WIF1: variants seen among roughly 807,000 people sequenced by gnomAD.
The protein encoded by WIF1 is Wnt inhibitory factor 1.
Under a neutral mutation model 53.5 loss-of-function variants are expected in WIF1, and 35 were observed. The observed-to-expected ratio is 0.65, with a 90% confidence interval of 0.50 to 0.87. The LOEUF (loss-of-function observed/expected upper bound fraction) is 0.87, where lower values mean the gene tolerates loss of function less well. WIF1 is among the 40% of genes least tolerant of loss of function. The pLI is 0.00. For synonymous variants in WIF1, 171 were observed against 170.4 expected (o/e 1.00, Z -0.03); for missense variants, 467 against 476.8 (o/e 0.98, Z 0.19).
At chr12:65,112,445 C>CACACACACAA (rs1225310685) in intron 2 of WIF1, among the ~76,000 whole-genome samples, 4 of 149,584 alleles carry the variant, frequency 2.7e-5, no homozygotes, top group Non-Finnish European at 5.9e-5. Flanking sequence ...CACACACACA[C>CACACACACAA]ACACACCATC....
intron 7 of WIF1, among the ~76,000 whole-genome samples, chr12:65,057,645 C>T (rs1882549882): frequency 6.6e-6 from 1 of 152,022 alleles, no homozygotes; most frequent in African/African-American, 2.4e-5. Context: ...TCTTTTTATT[C>T]ACTTTAGCAG....
chr12:65,103,055 G>C (rs2136291247), intron 2 of WIF1, among the ~76,000 whole-genome samples: 1 of 152,176 alleles, frequency 6.6e-6, no homozygotes, highest in South Asian at 2.1e-4. Flanking sequence ...AATTCAAATA[G>C]CATTTATCGA....
chr12:65,063,907 A>G (rs1882650809), intron 6 of WIF1, among the ~76,000 whole-genome samples: 1 of 152,064 alleles, frequency 6.6e-6, no homozygotes, highest in African/African-American at 2.4e-5. Flanking sequence ...GTATAGATGG[A>G]GTCTTGCTAC....
chr12:65,082,602 T>G lies in WIF1; in HGVS notation c.289-4748A>C, dbSNP rs902843578. 2.6e-5 allele frequency among the ~76,000 whole-genome samples: 4 copies of G among 152,280 alleles called. No homozygotes were observed. The East Asian group carries it at 5.8e-4, about 22-fold the overall frequency. On this transcript the variant is annotated intron_variant, in intron 2 of 9. Transcript: ENST00000286574. ...TCAAGAGAGGAGTGCTGGAGGTCATTTAACTTGCTTCCAATGGACTTGGCT... is the reference window on the plus strand; with the variant it reads ...TCAAGAGAGGAGTGCTGGAGGTCATGTAACTTGCTTCCAATGGACTTGGCT...
intron 2 of WIF1, among the ~76,000 whole-genome samples, chr12:65,080,672 T>A (rs1403671430): frequency 6.6e-6 from 1 of 152,232 alleles, no homozygotes; most frequent in Non-Finnish European, 1.5e-5. Flanking sequence ...ATTTGAATTA[T>A]TTCTATTACT....
intron 2 of WIF1, among the ~76,000 whole-genome samples, chr12:65,115,406 G>A (rs73312861): frequency 0.16 from 24,415 of 152,116 alleles, 2,670 homozygotes; most frequent in African/African-American, 0.3. Context: ...GTATCCTAAT[G>A]TTCGATTCTG....
chr12:65,115,820 A>G (rs28686934), intron 2 of WIF1, among the ~76,000 whole-genome samples: 24,372 of 152,114 alleles, frequency 0.16, 2,658 homozygotes, highest in African/African-American at 0.3. Flanking sequence ...TTCAGGCAAG[A>G]AAGATTTGGG....
At chr12:65,089,420 C>T (rs868220252) in intron 2 of WIF1, among the ~76,000 whole-genome samples, 2 of 152,070 alleles carry the variant, frequency 1.3e-5, no homozygotes, top group African/African-American at 2.4e-5. Context: ...GTAACTCATG[C>T]GCTCCAGATT....
chr12:65,067,618 C>T, intron 5 of WIF1, 77 bp downstream of exon 5: 1 of 1,419,056 alleles, frequency 7.0e-7, no homozygotes, highest in Admixed American at 1.8e-5. Context: ...GTTAAAAATA[C>T]ACAATACACA....
intron 2 of WIF1, among the ~76,000 whole-genome samples, chr12:65,085,220 C>G (rs768452834): frequency 2.0e-5 from 3 of 152,082 alleles, no homozygotes; most frequent in Admixed American, 6.6e-5. Flanking sequence ...TGCTTGGGAC[C>G]AGAAGTGTTT....
chr12:65,056,225 G>T, intron 7 of WIF1, 99 bp from the exon 8 acceptor site: 3 of 1,073,484 alleles, frequency 2.8e-6, no homozygotes, highest in South Asian at 3.3e-5. Flanking sequence ...GAGGATAAGT[G>T]CTTTTAAATG....
At chr12:65,111,947 A>G (rs1348708773) in intron 2 of WIF1, among the ~76,000 whole-genome samples, 2 of 152,218 alleles carry the variant, frequency 1.3e-5, no homozygotes, top group African/African-American at 4.8e-5. Flanking sequence ...AGATTCTTTC[A>G]TCACATTCAT....
At chr12:65,062,387 C>T (rs1882626165) in intron 7 of WIF1, 94 bp downstream of exon 7, 1 of 1,070,040 alleles carries the variant, frequency 9.3e-7, no homozygotes, top group Admixed American at 2.5e-5. Context: ...TTCATTCTCT[C>T]TGGGCTTCCG....
chr12:65,056,870 G>A (rs1013193492), intron 7 of WIF1, among the ~76,000 whole-genome samples: 5 of 151,980 alleles, frequency 3.3e-5, no homozygotes, highest in African/African-American at 7.3e-5. Context: ...AGCTGGTCTC[G>A]AACTCCTGAC....
intron 3 of WIF1, 44 bp from the exon 4 acceptor site, chr12:65,068,948 T>C: frequency 6.3e-7 from 1 of 1,587,774 alleles, no homozygotes. Flanking sequence ...GTTAATCTAG[T>C]TGATTCTAGT....
At chr12:65,106,373 A>T (rs2030122) in intron 2 of WIF1, among the ~76,000 whole-genome samples, 59,143 of 142,272 alleles carry the variant, frequency 0.42, 14,173 homozygotes, top group East Asian at 0.57. Context: ...ATATATATAT[A>T]TTTTTTTTTA....
At chr12:65,090,563 G>T (rs1219084959) in intron 2 of WIF1, among the ~76,000 whole-genome samples, 1 of 152,084 alleles carries the variant, frequency 6.6e-6, no homozygotes, top group East Asian at 1.9e-4. Flanking sequence ...GCTTAACTTG[G>T]GGGTCAGGAA....
At chr12:65,064,243 G>T (rs1403650609) in intron 6 of WIF1, among the ~76,000 whole-genome samples, 1 of 152,172 alleles carries the variant, frequency 6.6e-6, no homozygotes, top group African/African-American at 2.4e-5. Context: ...TGTAGAATTC[G>T]GCAAGGTTGG....
At chr12:65,055,690 G>A (rs994311032) in intron 8 of WIF1, among the ~76,000 whole-genome samples, 14 of 152,194 alleles carry the variant, frequency 9.2e-5, no homozygotes, top group African/African-American at 2.2e-4. Flanking sequence ...CAGGGGAATC[G>A]CTTACACCTG....
Sources: allele counts gnomAD v4.1 joint callset (sites outside exome capture counted in the v4.1 genomes callset), GRCh38; gene constraint gnomAD v4.1.1; transcripts MANE v1.5; gene names NCBI Gene and HGNC (gene_info 2026-07-23, HGNC 2026-07-21).